PRTFDC1: variants seen among roughly 807,000 people sequenced by gnomAD.
PRTFDC1 encodes the protein phosphoribosyl transferase domain containing 1.
PRTFDC1 carries 38 observed loss-of-function variants against 34.6 expected under a neutral mutation model. The observed-to-expected ratio is 1.10, with a 90% CI of 0.85 to 1.44. The LOEUF (loss-of-function observed/expected upper bound fraction) is 1.44. PRTFDC1 is among the 40% of genes most tolerant of loss of function. The pLI, the probability that PRTFDC1 is intolerant of heterozygous loss-of-function variation, is 0.00. For synonymous variants in PRTFDC1, 93 were observed against 98.1 expected, an observed-to-expected ratio of 0.95 and a Z score of 0.31; for missense variants, 270 against 283.0, an observed-to-expected ratio of 0.95 and a Z score of 0.33.
intron 4 of PRTFDC1, among the ~76,000 whole-genome samples, chr10:24,864,342 A>G (rs1451112959): frequency 6.6e-6 from 1 of 152,198 alleles, no homozygotes; most frequent in African/African-American, 2.4e-5. Flanking sequence ...CTGTGGGTAA[A>G]ATGCTATCAA....
At chr10:24,877,316 G>A (rs1024375981) in intron 3 of PRTFDC1, among the ~76,000 whole-genome samples, 1 of 151,832 alleles carries the variant, frequency 6.6e-6, no homozygotes, top group Admixed American at 6.6e-5. Flanking sequence ...TTATGGCCGT[G>A]AGCCATCCCA....
At chr10:24,895,213 T>A (rs1394300210) in intron 3 of PRTFDC1, among the ~76,000 whole-genome samples, 1 of 151,594 alleles carries the variant, frequency 6.6e-6, no homozygotes, top group African/African-American at 2.4e-5. Flanking sequence ...TATTTTTATA[T>A]CCGAGTAGGA....
At chr10:24,882,621 A>G (rs1337983089) in intron 3 of PRTFDC1, among the ~76,000 whole-genome samples, 1 of 152,042 alleles carries the variant, frequency 6.6e-6, no homozygotes, top group East Asian at 1.9e-4. Flanking sequence ...TCTTATTACT[A>G]TTATTTTATT....
intron 3 of PRTFDC1, among the ~76,000 whole-genome samples, chr10:24,933,555 T>A (rs368490579): frequency 6.6e-5 from 10 of 152,316 alleles, no homozygotes; most frequent in African/African-American, 2.4e-4. Context: ...CATCACCTAT[T>A]AGAACAGGTA....
chr10:24,876,589 G>T (rs1000630208), intron 3 of PRTFDC1, among the ~76,000 whole-genome samples: 35 of 152,174 alleles, frequency 2.3e-4, no homozygotes, highest in African/African-American at 7.9e-4. Flanking sequence ...AGCTACTCGG[G>T]AGGCTGAGGC....
At chr10:24,864,290 C>A (rs763685078) in intron 4 of PRTFDC1, among the ~76,000 whole-genome samples, 7 of 152,176 alleles carry the variant, frequency 4.6e-5, no homozygotes, top group Non-Finnish European at 8.8e-5. Flanking sequence ...AAAGCAGTAG[C>A]ATGGCTGGAG....
chr10:24,854,369 A>G (rs1847538498), intron 7 of PRTFDC1, among the ~76,000 whole-genome samples: 1 of 152,192 alleles, frequency 6.6e-6, no homozygotes, highest in African/African-American at 2.4e-5. Context: ...GTCCAGAGTT[A>G]ACACATCCAG....
intron 4 of PRTFDC1, among the ~76,000 whole-genome samples, chr10:24,858,988 G>A (rs904730840): frequency 6.6e-6 from 1 of 152,142 alleles, no homozygotes; most frequent in Non-Finnish European, 1.5e-5. Context: ...AAGCTCTCAA[G>A]GCATTCCTCT....
chr10:24,903,573 G>A (rs559590647), intron 3 of PRTFDC1, among the ~76,000 whole-genome samples: 43 of 152,266 alleles, frequency 2.8e-4, no homozygotes, highest in African/African-American at 7.2e-4. Context: ...TATGGAAAAC[G>A]AAGTCCCAGA....
At chr10:24,850,648 G>A (rs1276728157) in intron 8 of PRTFDC1, among the ~76,000 whole-genome samples, 1 of 152,040 alleles carries the variant, frequency 6.6e-6, no homozygotes, top group African/African-American at 2.4e-5. Context: ...TTAAAGAGGG[G>A]GGAGGGGGAA....
At chr10:24,900,557 G>A (rs1162799736) in intron 3 of PRTFDC1, among the ~76,000 whole-genome samples, 1 of 152,140 alleles carries the variant, frequency 6.6e-6, no homozygotes, top group African/African-American at 2.4e-5. Flanking sequence ...GGAATGTGTG[G>A]AATAATTTTG....
At chr10:24,878,047 G>A (rs889868779) in intron 3 of PRTFDC1, among the ~76,000 whole-genome samples, 25 of 152,166 alleles carry the variant, frequency 1.6e-4, no homozygotes, top group East Asian at 3.9e-4. Flanking sequence ...TTGGGAGGCC[G>A]AGGCAGGTGG....
intron 7 of PRTFDC1, 108 bp downstream of exon 7, chr10:24,855,210 C>G: frequency 9.1e-7 from 1 of 1,103,310 alleles, no homozygotes; most frequent in Non-Finnish European, 1.3e-6. Flanking sequence ...AGTTTCAAAT[C>G]CACATGCAAT....
intron 3 of PRTFDC1, among the ~76,000 whole-genome samples, chr10:24,892,161 T>C (rs1407175036): frequency 6.6e-6 from 1 of 152,148 alleles, no homozygotes; most frequent in Non-Finnish European, 1.5e-5. Context: ...TAGTTCTATT[T>C]TTTTTTTAAG....
Position 24,952,433 on chromosome 10 carries a change from TC to T in PRTFDC1, c.48+94del, listed in dbSNP as rs896747281. On this transcript the variant is annotated intron_variant, in intron 1 of 8. Coordinates refer to ENST00000320152, the MANE Select transcript of PRTFDC1 (RefSeq NM_020200.7). The surrounding 1 kb of genome is among the most constrained non-coding windows in gnomAD (Gnocchi z 5.1). ...GGGAGAACAAAGCGGTGGCCCTCTCTCTCCCCCGACGCACGGCAAGCATTTA... is the reference window on the plus strand; with the variant it reads ...GGGAGAACAAAGCGGTGGCCCTCTCTTCCCCCGACGCACGGCAAGCATTTA... 6 of 1,407,354 alleles carry T rather than the reference TC, an allele frequency of 4.3e-6. No individual in the cohort carries two copies. In the Admixed American group the frequency reaches 1.0e-4, roughly 24 times the overall value. 87.2% of individuals were successfully genotyped at this position (1,407,354 alleles called of 1,614,324 possible). A position where few individuals can be genotyped will look rare whatever the true frequency, so the allele number is the denominator to read the frequency against.
chr10:24,878,249 G>T (rs915536925), intron 3 of PRTFDC1, among the ~76,000 whole-genome samples: 1 of 151,722 alleles, frequency 6.6e-6, no homozygotes, highest in Non-Finnish European at 1.5e-5. Context: ...CTCCAGCCTG[G>T]GCAACAGAGC....
chr10:24,858,443 A>T (rs753901091), intron 4 of PRTFDC1, 34 bp from the exon 5 acceptor site: 1 of 1,609,258 alleles, frequency 6.2e-7, no homozygotes, highest in Admixed American at 1.7e-5. Flanking sequence ...TTAGAATGTG[A>T]TGCCAATCTG....
intron 3 of PRTFDC1, chr10:24,908,703 A>C: frequency 1.3e-6 from 2 of 1,573,264 alleles, no homozygotes; most frequent in Non-Finnish European, 1.7e-6. Context: ...AGAGACACAC[A>C]TGGAGCAGTG....
At chr10:24,880,837 TTCTTTCTTTC>T (rs1442011033) in intron 3 of PRTFDC1, among the ~76,000 whole-genome samples, 3 of 143,676 alleles carry the variant, frequency 2.1e-5, no homozygotes, top group Non-Finnish European at 4.5e-5. Flanking sequence ...CTTTCTTTCT[TTCTTTCTTTC>T]TTTCTTTCTT....
Sources: allele counts gnomAD v4.1 joint callset (sites outside exome capture counted in the v4.1 genomes callset), GRCh38; gene constraint gnomAD v4.1.1; non-coding constraint Gnocchi (gnomAD v3.1); transcripts MANE v1.5; gene names NCBI Gene and HGNC (gene_info 2026-07-23, HGNC 2026-07-21).